The following FAHD2B variants were observed in gnomAD, a reference collection of about 807,000 sequenced individuals.
The protein encoded by FAHD2B is fumarylacetoacetate hydrolase domain containing 2B.
FAHD2B carries 26 observed loss-of-function variants against 33.7 expected under a neutral mutation model. The ratio of observed to expected loss-of-function variants is 0.77; its 90% CI spans 0.57 to 1.07. The LOEUF (loss-of-function observed/expected upper bound fraction) is 1.07, where lower values mean the gene tolerates loss of function less well. Ranked by LOEUF, FAHD2B falls within the 50% of genes least tolerant of loss-of-function variation. The pLI, the probability that FAHD2B is intolerant of heterozygous loss-of-function variation, is 0.00. For missense variants in FAHD2B, 272 were observed against 388.1 expected (o/e 0.70, Z 2.51); for synonymous variants, 108 against 150.9 (o/e 0.72, Z 2.08).
chr2:97,086,937 CA>C (rs2032026311), intron 4 of FAHD2B: 2 of 152,086 alleles, frequency 1.3e-5, no homozygotes, highest in Non-Finnish European at 2.9e-5. Flanking sequence ...GAAGGTCCCT[CA>C]TTGGCCAAAT....
At chr2:97,081,093 G>A (rs1001984675), downstream of FAHD2B, 34 of 1,506,720 alleles carry the variant, frequency 2.3e-5, 3 homozygotes, top group South Asian at 3.2e-4. Flanking sequence ...TGGACCCTCC[G>A]CCCCCAGCCT....
At chr2:97,080,633 T>C (rs1267952198), downstream of FAHD2B, among the ~76,000 whole-genome samples, 1 of 152,070 alleles carries the variant, frequency 6.6e-6, no homozygotes, top group East Asian at 1.9e-4. Flanking sequence ...AGAACTTCCA[T>C]GGTAGTTTAA....
At chr2:97,093,423 G>A (rs978934230) in intron 1 of FAHD2B, among the ~76,000 whole-genome samples, 4 of 150,962 alleles carry the variant, frequency 2.6e-5, no homozygotes, top group Non-Finnish European at 5.9e-5. Flanking sequence ...AACTGCTGCC[G>A]CTGAATGCCA....
chr2:97,091,726 C>T lies in FAHD2B; in HGVS notation c.-6-14G>A, dbSNP rs779365261. The T allele has an allele frequency of 4.4e-5, 71 of 1,600,984 alleles. No individual in the cohort carries two copies. Among genetic ancestry groups the T allele is most frequent in the Admixed American group, 8.5e-5 (5 of 59,020 alleles). ...CAGCATCAGAGCCTGCAGAGAAAAA[C>T]ACAGGATCCAGGAGATGGAGGATCT... On this transcript the variant is annotated splice_polypyrimidine_tract_variant and intron_variant, in intron 2 of 8. Coordinates refer to ENST00000414820, the MANE Select transcript of FAHD2B (RefSeq NM_001320848.2).
At chr2:97,092,074 G>A (rs2032381054) in intron 1 of FAHD2B, 86 bp from the exon 2 acceptor site, 1 of 187,968 alleles carries the variant, frequency 5.3e-6, no homozygotes, top group Non-Finnish European at 1.1e-5. Flanking sequence ...ACTGACGTAA[G>A]ATTCAGCTAT....
downstream of FAHD2B, chr2:97,082,501 AGT>A (rs2031683985): frequency 1.2e-6 from 2 of 1,610,906 alleles, 1 homozygote; most frequent in Admixed American, 3.4e-5. Flanking sequence ...TCCTGCAGGC[AGT>A]GGTGTTTGCT....
downstream of FAHD2B, chr2:97,083,092 A>G (rs2031714775): frequency 4.0e-6 from 6 of 1,494,246 alleles, no homozygotes; most frequent in Non-Finnish European, 5.4e-6. Flanking sequence ...TGAGCCATGC[A>G]GACACAGTCC....
chr2:97,080,427 T>C (rs2031602161), downstream of FAHD2B, among the ~76,000 whole-genome samples: 1 of 152,044 alleles, frequency 6.6e-6, no homozygotes, highest in Non-Finnish European at 1.5e-5. Flanking sequence ...GGGTTCTCTA[T>C]TCTGTTCCAT....
At chr2:97,090,355 T>C in intron 3 of FAHD2B, 30 bp from the exon 4 acceptor site, 1 of 1,506,192 alleles carries the variant, frequency 6.6e-7, no homozygotes, top group Non-Finnish European at 8.9e-7. Context: ...TGAGAGGGTC[T>C]GGCTGGGAAC....
chr2:97,082,577 A>C, downstream of FAHD2B: 1 of 1,582,160 alleles, frequency 6.3e-7, no homozygotes, highest in South Asian at 1.1e-5. Flanking sequence ...TGCAGAGTAC[A>C]GACAGTCTTC....
chr2:97,088,682 A>G (rs917733848), intron 4 of FAHD2B, among the ~76,000 whole-genome samples: 2 of 152,110 alleles, frequency 1.3e-5, no homozygotes, highest in Admixed American at 6.6e-5. Flanking sequence ...TAAAACTACT[A>G]AAGAGATATA....
chr2:97,091,916 C>T lies in FAHD2B; in HGVS notation c.-60G>A, dbSNP rs1368791515. On this transcript the variant is annotated 5_prime_UTR_variant, in exon 2 of 9. Coordinates refer to ENST00000414820, the MANE Select transcript of FAHD2B (RefSeq NM_001320848.2). ...GTAGAGGAGCAACTACTACATGCTA[C>T]GCAGTAAGTCCCAGGGATTCCAGCG... 7 of 618,014 alleles carry T rather than the reference C, an allele frequency of 1.1e-5. No homozygotes were observed. The highest frequency in any genetic ancestry group is 1.9e-5 in the Non-Finnish European group (7 of 374,654). The allele number at this position is 618,014 out of a possible 1,614,324, so 38.3% of individuals were successfully genotyped here.
At chr2:97,088,275 G>T (rs1253174329) in intron 4 of FAHD2B, among the ~76,000 whole-genome samples, 6 of 152,036 alleles carry the variant, frequency 3.9e-5, no homozygotes, top group African/African-American at 1.4e-4. Context: ...TCTTGATATG[G>T]TTTAGCTCTG....
rs774224775 is a variant in FAHD2B, at chr2:97,084,000, G to T, written c.830C>A (p.Thr277Asn). The change falls in exon 8 of 9, where the codon ACT becomes AAT. Residue 277 changes from threonine (T) to asparagine (N), a missense_variant. Physicochemically the swap from Thr to Asn is moderately conservative, Grantham distance 65. Coordinates refer to ENST00000414820, the MANE Select transcript of FAHD2B (RefSeq NM_001320848.2). ...TACACCGACACCTGGGGGGGTCCCA[G>T]TTAGGATGACATCCCCTGGGTAAAA... ...VTFYPGDVIL[T>N]GTPPGVGVFR... 1.9e-6 allele frequency: 3 copies of T among 1,613,836 alleles called. No homozygotes were observed. Among genetic ancestry groups the T allele is most frequent in the South Asian group, 2.2e-5 (2 of 90,928 alleles).
At chr2:97,082,309 C>G, downstream of FAHD2B, 3 of 1,589,610 alleles carry the variant, frequency 1.9e-6, no homozygotes, top group Non-Finnish European at 2.6e-6. Context: ...GCCAGCTGCC[C>G]GATACTGGTG....
chr2:97,092,959 C>T (rs1327902403), intron 1 of FAHD2B, among the ~76,000 whole-genome samples: 2 of 129,218 alleles, frequency 1.5e-5, no homozygotes, highest in Admixed American at 8.6e-5. Flanking sequence ...GGCAACAGAG[C>T]GACTCCAAAA....
At position 97,091,776 on chromosome 2, in the gene FAHD2B, T is replaced by A. The variant is rs1175347265; in HGVS notation, c.-6-64A>T. 3.0e-5 allele frequency: 47 copies of A among 1,557,554 alleles called. 1 individual carries two copies. In the South Asian group the frequency reaches 5.3e-4, roughly 18 times the overall value. ...TCAGAGCCATCATCAGCATCCCTGA[T>A]ATTCCTAGGGCTATAGCCCAAGGCC... On this transcript the variant is annotated intron_variant, in intron 2 of 8. Coordinates refer to ENST00000414820, the MANE Select transcript of FAHD2B (RefSeq NM_001320848.2).
At chr2:97,086,336 A>G in intron 4 of FAHD2B, 138 bp from the exon 5 acceptor site, 1 of 1,234,962 alleles carries the variant, frequency 8.1e-7, no homozygotes, top group African/African-American at 1.5e-5. Flanking sequence ...ACCAGAGCCC[A>G]GTGAATGACA....
At chr2:97,080,586 C>T (rs181530188), downstream of FAHD2B, among the ~76,000 whole-genome samples, 2 of 152,062 alleles carry the variant, frequency 1.3e-5, no homozygotes, top group African/African-American at 4.8e-5. Flanking sequence ...TTGGGTTCCA[C>T]ATGAATTTTA....
Sources: allele counts gnomAD v4.1 joint callset (sites outside exome capture counted in the v4.1 genomes callset), GRCh38; gene constraint gnomAD v4.1.1; transcripts MANE v1.5; gene names NCBI Gene and HGNC (gene_info 2026-07-23, HGNC 2026-07-21).